EFHC2: variants seen among roughly 807,000 people sequenced by gnomAD.
EFHC2 encodes EF-hand domain containing 2.
A neutral mutation model predicts 52.7 loss-of-function variants in EFHC2; 18 were observed. That is an observed-to-expected ratio of 0.34 (90% confidence interval 0.24 to 0.51). EFHC2 has a LOEUF of 0.51. Among genes scored for constraint, EFHC2 ranks in the 20% least tolerant of loss-of-function variants. The pLI, the probability that EFHC2 is intolerant of heterozygous loss-of-function variation, is 0.97. For synonymous variants in EFHC2, 203 were observed against 204.1 expected (o/e 0.99, Z 0.04); for missense variants, 513 against 562.5 (o/e 0.91, Z 0.89).
At chrX:44,206,176 CAG>C (rs984440234) in intron 11 of EFHC2, among the ~76,000 whole-genome samples, 5 of 111,501 alleles carry the variant, frequency 4.5e-5, no homozygotes, top group African/African-American at 1.3e-4. Context: ...CAAATGAAAA[CAG>C]AGACACAACA....
chrX:44,166,344 G>T (rs1321460649), intron 13 of EFHC2, among the ~76,000 whole-genome samples: 4 of 111,372 alleles, frequency 3.6e-5, no homozygotes, highest in Non-Finnish European at 7.5e-5. Context: ...GAAAAAGAGA[G>T]TATTCAGGAT....
intron 11 of EFHC2, among the ~76,000 whole-genome samples, chrX:44,186,651 G>C (rs751758833): frequency 9.0e-6 from 1 of 111,265 alleles, no homozygotes; most frequent in African/African-American, 3.3e-5. Context: ...ATGATGAAGG[G>C]TGCCTCCAAA....
intron 11 of EFHC2, among the ~76,000 whole-genome samples, chrX:44,195,907 GT>G (rs1377664514): frequency 4.5e-5 from 5 of 111,095 alleles, no homozygotes; most frequent in Admixed American, 9.6e-5. Flanking sequence ...TTTGGGTTTT[GT>G]TTTTTGTTTG....
At chrX:44,268,911 A>G (rs1156423227) in intron 3 of EFHC2, among the ~76,000 whole-genome samples, 1 of 111,532 alleles carries the variant, frequency 9.0e-6, no homozygotes, top group East Asian at 2.8e-4. Flanking sequence ...TGGTATTTCC[A>G]TATTTCCTGA....
chrX:44,309,388 C>G (rs2147380168), intron 2 of EFHC2: 1 of 910,478 alleles, frequency 1.1e-6, no homozygotes, highest in Non-Finnish European at 1.6e-6. Flanking sequence ...TACTCGCCTA[C>G]TCTCCTCTCA....
Position 44,292,469 on chromosome X carries a change from A to G in EFHC2, c.232-19633T>C, listed in dbSNP as rs144611932. 2.1e-4 allele frequency among the ~76,000 whole-genome samples: 24 copies of G among 112,127 alleles called. No individual in the cohort carries two copies. In the East Asian group the frequency reaches 6.7e-3, roughly 31 times the overall value. ...TTGCACATGAAACAAAGTTGTGTACATTGAACCATCAGAAAGCAAAGGTGT... is the reference window on the plus strand; with the variant it reads ...TTGCACATGAAACAAAGTTGTGTACGTTGAACCATCAGAAAGCAAAGGTGT... On this transcript the variant is annotated intron_variant, in intron 2 of 14. Transcript: ENST00000420999.
chrX:44,269,954 T>A (rs2037605475), intron 3 of EFHC2, among the ~76,000 whole-genome samples: 1 of 111,571 alleles, frequency 9.0e-6, no homozygotes, highest in Non-Finnish European at 1.9e-5. Context: ...CACTGGCCAA[T>A]GCATATCAAC....
At chrX:44,288,503 T>G (rs2037769890) in intron 2 of EFHC2, among the ~76,000 whole-genome samples, 1 of 111,191 alleles carries the variant, frequency 9.0e-6, no homozygotes, top group Non-Finnish European at 1.9e-5. Context: ...AGTAGCTCTT[T>G]GGCAGTTTTC....
chrX:44,223,407 C>T (rs1340522212), intron 11 of EFHC2, among the ~76,000 whole-genome samples: 1 of 112,304 alleles, frequency 8.9e-6, no homozygotes, highest in Non-Finnish European at 1.9e-5. Context: ...AGTTCTACAG[C>T]CCTGTTTTGG....
intron 11 of EFHC2, among the ~76,000 whole-genome samples, chrX:44,213,825 T>C (rs913523768): frequency 1.8e-5 from 2 of 112,116 alleles, no homozygotes; most frequent in East Asian, 5.6e-4. Flanking sequence ...CCCCTCATCA[T>C]GGCCTGAACT....
intron 11 of EFHC2, among the ~76,000 whole-genome samples, chrX:44,219,145 T>TTAAAA (rs372699706): frequency 1.3e-5 from 1 of 79,370 alleles, no homozygotes; most frequent in South Asian, 6.4e-4. Context: ...CACCTATAGT[T>TTAAAA]AAAAAAAAAA....
intron 11 of EFHC2, among the ~76,000 whole-genome samples, chrX:44,192,989 G>A (rs1167392772): frequency 1.8e-5 from 2 of 110,088 alleles, no homozygotes; most frequent in Admixed American, 9.7e-5. Flanking sequence ...ATGGGAAGTG[G>A]GAGCCAGACA....
In EFHC2 at chrX:44,176,291, C is replaced by G; in HGVS notation, c.2042+1G>C. ...CTATCAAGAGTGGAACTCTAACTTA[C>G]CTTGACAATAAGGATTCTAGAAGAT... On this transcript the variant is annotated splice_donor_variant, in intron 13 of 14. Coordinates refer to ENST00000420999, the MANE Select transcript of EFHC2 (RefSeq NM_025184.4). LOFTEE classifies it high-confidence loss of function. The G allele has an allele frequency of 8.4e-7, 1 of 1,189,680 alleles. No individual in the cohort carries two copies. Among genetic ancestry groups the G allele is most frequent in the Non-Finnish European group, 1.1e-6 (1 of 881,377 alleles).
At chrX:44,231,899 T>C (rs1253626317) in intron 10 of EFHC2, among the ~76,000 whole-genome samples, 3 of 112,189 alleles carry the variant, frequency 2.7e-5, no homozygotes, top group African/African-American at 6.5e-5. Flanking sequence ...AGCATTGCCA[T>C]AATGGCACTT....
At chrX:44,283,289 T>C (rs1221123732) in intron 2 of EFHC2, among the ~76,000 whole-genome samples, 1 of 111,360 alleles carries the variant, frequency 9.0e-6, no homozygotes, top group Admixed American at 9.5e-5. Flanking sequence ...TTCACGCCAT[T>C]CTCCTGGCTC....
At chrX:44,190,878 C>T (rs767106828) in intron 11 of EFHC2, among the ~76,000 whole-genome samples, 6 of 111,482 alleles carry the variant, frequency 5.4e-5, no homozygotes, top group African/African-American at 2.0e-4. Flanking sequence ...GTGCACCCTG[C>T]GATGGGATGG....
At chrX:44,203,310 C>T (rs2037020936) in intron 11 of EFHC2, among the ~76,000 whole-genome samples, 1 of 109,922 alleles carries the variant, frequency 9.1e-6, no homozygotes. Context: ...GGCCCAACTC[C>T]CCCTCCCTAA....
intron 1 of EFHC2, among the ~76,000 whole-genome samples, chrX:44,314,834 G>A (rs1031720074): frequency 1.4e-4 from 16 of 111,635 alleles, no homozygotes; most frequent in African/African-American, 5.2e-4. Context: ...ACTTACTATA[G>A]TCCTAACTTT....
chrX:44,151,218 G>C (rs1349703369), intron 14 of EFHC2, among the ~76,000 whole-genome samples: 1 of 111,715 alleles, frequency 9.0e-6, no homozygotes, highest in Non-Finnish European at 1.9e-5. Context: ...AAGCAACTCA[G>C]TCTGTGGTAC....
Sources: gnomAD v4.1 joint callset for allele counts (sites outside exome capture counted in the v4.1 genomes callset) on GRCh38, gnomAD v4.1.1 for gene constraint, MANE v1.5 for transcripts, NCBI Gene and HGNC (gene_info 2026-07-23, HGNC 2026-07-21) for gene names.